DNAJC1: variants seen among roughly 807,000 people sequenced by gnomAD.
The protein encoded by DNAJC1 is dnaJ homolog subfamily C member 1.
A neutral mutation model predicts 76.6 loss-of-function variants in DNAJC1; 58 were observed. The observed-to-expected ratio is 0.76, with a 90% CI of 0.61 to 0.94. The LOEUF (loss-of-function observed/expected upper bound fraction) is 0.94. Ranked by LOEUF, DNAJC1 falls within the 40% of genes least tolerant of loss-of-function variation. DNAJC1 has a pLI of 0.00. For missense variants in DNAJC1, 689 were observed against 677.3 expected, an observed-to-expected ratio of 1.02 and a Z score of -0.19; for synonymous variants, 258 against 267.9, an observed-to-expected ratio of 0.96 and a Z score of 0.36.
intron 1 of DNAJC1, among the ~76,000 whole-genome samples, chr10:21,930,642 A>G (rs1033408841): frequency 2.0e-5 from 3 of 152,140 alleles, no homozygotes; most frequent in Non-Finnish European, 4.4e-5. Flanking sequence ...TGACTTGTGG[A>G]AGGCTGAGGA....
intron 9 of DNAJC1, among the ~76,000 whole-genome samples, chr10:21,803,625 A>G (rs374367432): frequency 0.043 from 4,980 of 116,668 alleles, 143 homozygotes; most frequent in African/African-American, 0.098. Flanking sequence ...GTGTGTGTGT[A>G]TGTATGTGTG....
chr10:21,864,049 G>A (rs566249749), intron 8 of DNAJC1, among the ~76,000 whole-genome samples: 11 of 151,814 alleles, frequency 7.2e-5, no homozygotes, highest in Non-Finnish European at 1.3e-4. Flanking sequence ...TTTAAAATAT[G>A]TACAAAAATT....
chr10:21,799,154 A>C (rs1834783091), intron 9 of DNAJC1, among the ~76,000 whole-genome samples: 1 of 152,204 alleles, frequency 6.6e-6, no homozygotes, highest in Admixed American at 6.6e-5. Context: ...CATAATTATG[A>C]CCTGGTAAAT....
intron 8 of DNAJC1, among the ~76,000 whole-genome samples, chr10:21,818,424 C>T (rs1475016582): frequency 6.6e-6 from 1 of 152,176 alleles, no homozygotes; most frequent in Non-Finnish European, 1.5e-5. Flanking sequence ...TAATTTTGCC[C>T]CAGTCCTGTG....
intron 1 of DNAJC1, among the ~76,000 whole-genome samples, chr10:21,971,364 TA>T (rs888442809): frequency 5.3e-5 from 8 of 151,876 alleles, no homozygotes; most frequent in Non-Finnish European, 1.0e-4. Flanking sequence ...TAACATATTT[TA>T]CCTTTAGAAG....
chr10:22,003,354 C>CGGG lies in DNAJC1; in HGVS notation c.80_81insCCC (p.Pro27dup). 7.3e-7 allele frequency: 1 copy of CGGG among 1,366,504 alleles called. No homozygotes were observed. The highest frequency in any genetic ancestry group is 9.4e-7 in the Non-Finnish European group (1 of 1,060,408). The allele number at this position is 1,366,504 out of a possible 1,614,324, so 84.6% of individuals were successfully genotyped here. A position where few individuals can be genotyped will look rare whatever the true frequency, so the allele number is the denominator to read the frequency against. ...GCAGCAGCCACAGCAGCGGCGTCCG[C>CGGG]GGCGGCGGCGGCGGGAACGGCACCA... is the stretch of plus-strand genomic sequence containing the variant. On this transcript the variant is annotated inframe_insertion, in exon 1 of 12. Transcript: ENST00000376980.
At chr10:21,864,938 T>C (rs1835973864) in intron 8 of DNAJC1, among the ~76,000 whole-genome samples, 1 of 152,106 alleles carries the variant, frequency 6.6e-6, no homozygotes, top group South Asian at 2.1e-4. Context: ...TAAAACATGA[T>C]ATTCAAATGG....
In DNAJC1 at chr10:21,756,728, G is replaced by C; in HGVS notation, c.1624C>G (p.Leu542Val). The C allele has an allele frequency of 6.2e-7, 1 of 1,613,746 alleles. No individual in the cohort carries two copies. Residue 542 changes from leucine (L) to valine (V), a missense_variant, in exon 12 of 12, where the codon CTG becomes GTG. By Grantham distance (32) the Leu-to-Val change is conservative. Transcript: ENST00000376980. ...KEDCIARYKL[L>V]VELVQKKKQA... is the part of the protein sequence containing the mutation. ...TTTTTCTTTTGGACCAGTTCAACCAGCAACTTGTACCTAGCGATACAGTCT... is the reference window on the plus strand; with the variant it reads ...TTTTTCTTTTGGACCAGTTCAACCACCAACTTGTACCTAGCGATACAGTCT...
intron 8 of DNAJC1, chr10:21,860,694 AAAACAAAC>A (rs143159403): frequency 0.7 from 111,143 of 158,616 alleles, 41,153 homozygotes; most frequent in East Asian, 0.96. Flanking sequence ...ACTCTGTCTC[AAAACAAAC>A]AAACAAACAA....
At chr10:21,902,161 T>G (rs1836666512) in intron 7 of DNAJC1, among the ~76,000 whole-genome samples, 1 of 152,204 alleles carries the variant, frequency 6.6e-6, no homozygotes, top group African/African-American at 2.4e-5. Context: ...GGAATGTTTT[T>G]AATATGCTTT....
chr10:21,867,781 T>C (rs1279353599), intron 8 of DNAJC1, among the ~76,000 whole-genome samples: 2 of 151,934 alleles, frequency 1.3e-5, no homozygotes, highest in East Asian at 1.9e-4. Flanking sequence ...AGTGTAAAAC[T>C]GGGTGACAGG....
intron 1 of DNAJC1, among the ~76,000 whole-genome samples, chr10:21,983,590 C>T (rs1166174645): frequency 6.6e-6 from 1 of 151,988 alleles, no homozygotes; most frequent in Non-Finnish European, 1.5e-5. Flanking sequence ...TGTGGTGGCA[C>T]TCGCCTGTAA....
intron 9 of DNAJC1, among the ~76,000 whole-genome samples, chr10:21,779,718 G>C (rs751329113): frequency 6.6e-6 from 1 of 152,176 alleles, no homozygotes. Flanking sequence ...ACAGCTCCTT[G>C]CCAGCAATGG....
chr10:21,900,818 C>T (rs1025304836), intron 7 of DNAJC1, among the ~76,000 whole-genome samples: 1 of 152,170 alleles, frequency 6.6e-6, no homozygotes. Context: ...TATTCCCATC[C>T]GTGAGCACCC....
At chr10:21,766,901 C>T (rs1337390203) in intron 9 of DNAJC1, among the ~76,000 whole-genome samples, 1 of 144,740 alleles carries the variant, frequency 6.9e-6, no homozygotes, top group Non-Finnish European at 1.5e-5. Context: ...ACCCAGGAGG[C>T]GGAGGTTGCA....
intron 1 of DNAJC1, among the ~76,000 whole-genome samples, chr10:21,961,387 A>G (rs1456560174): frequency 6.6e-6 from 1 of 152,250 alleles, no homozygotes. Flanking sequence ...GCTATGATTT[A>G]TCTATAAAAA....
At chr10:21,806,973 AAATT>A (rs1278094230) in intron 8 of DNAJC1, among the ~76,000 whole-genome samples, 3 of 152,190 alleles carry the variant, frequency 2.0e-5, no homozygotes, top group Non-Finnish European at 4.4e-5. Flanking sequence ...ACAGAGAAAT[AAATT>A]ATTATCAAAC....
intron 7 of DNAJC1, among the ~76,000 whole-genome samples, chr10:21,903,211 G>A (rs1429759983): frequency 6.6e-6 from 1 of 152,118 alleles, no homozygotes; most frequent in East Asian, 1.9e-4. Context: ...AAGCCACTGC[G>A]CCTGGCCGAT....
chr10:21,945,756 C>T (rs1837493380), intron 1 of DNAJC1, among the ~76,000 whole-genome samples: 1 of 152,092 alleles, frequency 6.6e-6, no homozygotes, highest in Admixed American at 6.6e-5. Flanking sequence ...TCTTTTACAT[C>T]CTTCATCAGA....
Sources: gnomAD v4.1 joint callset for allele counts (sites outside exome capture counted in the v4.1 genomes callset) on GRCh38, gnomAD v4.1.1 for gene constraint, MANE v1.5 for transcripts, NCBI Gene and HGNC (gene_info 2026-07-23, HGNC 2026-07-21) for gene names.